SOX5: variants seen among roughly 807,000 people sequenced by gnomAD.
SOX5 encodes the protein SRY-box transcription factor 5, also known as transcription factor SOX-5.
A neutral mutation model predicts 92.0 loss-of-function variants in SOX5; 9 were observed. The observed-to-expected ratio is 0.10, with a 90% CI of 0.06 to 0.17. SOX5 has a LOEUF of 0.17. Ranked by LOEUF, SOX5 falls within the 10% of genes least tolerant of loss-of-function variation. SOX5 has a pLI of 1.00. For missense variants in SOX5, 642 were observed against 944.5 expected (o/e 0.68, Z 4.20); for synonymous variants, 344 against 336.3 (o/e 1.02, Z -0.25).
intron 2 of SOX5, among the ~76,000 whole-genome samples, chr12:23,881,934 A>G (rs1468282546): frequency 6.6e-6 from 1 of 152,260 alleles, no homozygotes; most frequent in East Asian, 1.9e-4. Flanking sequence ...TGAAAAGGAC[A>G]TAAGTGAAGA....
intron 4 of SOX5, among the ~76,000 whole-genome samples, chr12:23,986,734 A>T (rs1052642282): frequency 3.9e-5 from 6 of 152,196 alleles, no homozygotes; most frequent in Non-Finnish European, 1.5e-5. Flanking sequence ...AGATTTTCAA[A>T]GTTCTAAGGA....
intron 4 of SOX5, among the ~76,000 whole-genome samples, chr12:24,019,782 C>T (rs952741178): frequency 6.6e-6 from 1 of 152,172 alleles, no homozygotes; most frequent in African/African-American, 2.4e-5. Flanking sequence ...CAGGGAAAGG[C>T]TTAGTAACTT....
In SOX5 at chr12:23,873,334, A is replaced by T. The variant is rs775572911; in HGVS notation, c.270+22459T>A. 2.6e-5 allele frequency among the ~76,000 whole-genome samples: 4 copies of T among 151,852 alleles called. No homozygotes were observed. In the East Asian group the frequency reaches 5.8e-4, roughly 22 times the overall value. Reference sequence around the variant, plus strand: ...AAAAAAAGCAGAAAATAAACCAGGCATGGTGGTACACACCTGCAGCCCCAG... The same window carrying T: ...AAAAAAAGCAGAAAATAAACCAGGCTTGGTGGTACACACCTGCAGCCCCAG... On this transcript the variant is annotated intron_variant, in intron 2 of 14. Coordinates refer to ENST00000451604, the MANE Select transcript of SOX5 (RefSeq NM_006940.6).
intron 4 of SOX5, among the ~76,000 whole-genome samples, chr12:24,051,405 T>C (rs1223752675): frequency 2.0e-5 from 3 of 152,084 alleles, no homozygotes; most frequent in Non-Finnish European, 2.9e-5. Context: ...AAACGTTATA[T>C]ATCAAGTGCA....
rs540968932 is a variant in SOX5 at position 23,958,397 on chromosome 12, T to C, written c.-1-62373A>G. Among the ~76,000 whole-genome samples the C allele has an allele frequency of 8.5e-5, 13 of 152,188 alleles. No homozygotes were observed. In the East Asian group the frequency reaches 2.3e-3, roughly 27 times the overall value. On this transcript the variant is annotated intron_variant, in intron 4 of 4. Coordinates refer to the SOX5 transcript ENST00000446891. ...GAAATGCAAAAATAAACTTTTTTCATGGAATTATGACCTAGTCCAGTATAT... is the reference window on the plus strand; with the variant it reads ...GAAATGCAAAAATAAACTTTTTTCACGGAATTATGACCTAGTCCAGTATAT...
chr12:24,010,677 G>A (rs1406961625), intron 4 of SOX5, among the ~76,000 whole-genome samples: 2 of 152,192 alleles, frequency 1.3e-5, no homozygotes, highest in Non-Finnish European at 2.9e-5. Flanking sequence ...GCTCATGCCT[G>A]TAATCCCAGC....
chr12:24,191,375 G>T (rs745883064), intron 4 of SOX5, among the ~76,000 whole-genome samples: 1 of 152,112 alleles, frequency 6.6e-6, no homozygotes, highest in South Asian at 2.1e-4. Flanking sequence ...TTTAATCTGC[G>T]TTGAGGATTT....
chr12:24,503,016 C>A (rs995744158), intron 1 of SOX5, among the ~76,000 whole-genome samples: 1 of 152,132 alleles, frequency 6.6e-6, no homozygotes, highest in Non-Finnish European at 1.5e-5. Context: ...AAAGGAGATG[C>A]AACAGCTAAA....
intron 4 of SOX5, among the ~76,000 whole-genome samples, chr12:23,988,584 TAAGC>T (rs1950264998): frequency 6.6e-6 from 1 of 152,130 alleles, no homozygotes; most frequent in Non-Finnish European, 1.5e-5. Context: ...AAACCATAAA[TAAGC>T]AAGCACTAAT....
At chr12:23,778,599 A>G (rs1174551643) in intron 3 of SOX5, among the ~76,000 whole-genome samples, 1 of 152,246 alleles carries the variant, frequency 6.6e-6, no homozygotes, top group Non-Finnish European at 1.5e-5. Flanking sequence ...ATAAGGAAAC[A>G]GCAAGGAATT....
chr12:23,961,553 C>T (rs1050617796), intron 4 of SOX5, among the ~76,000 whole-genome samples: 11 of 152,096 alleles, frequency 7.2e-5, no homozygotes, highest in Admixed American at 6.6e-4. Context: ...ATTTATAAGG[C>T]TAACGTCTAC....
intron 3 of SOX5, among the ~76,000 whole-genome samples, chr12:24,234,888 G>A (rs10743494): frequency 0.33 from 49,735 of 151,802 alleles, 8,563 homozygotes; most frequent in African/African-American, 0.38. Context: ...GGGGGTGCTC[G>A]TAGCATCTAG....
intron 4 of SOX5, among the ~76,000 whole-genome samples, chr12:24,003,355 G>A (rs4280087): frequency 0.41 from 62,676 of 151,542 alleles, 13,470 homozygotes; most frequent in East Asian, 0.69. Flanking sequence ...TTACTGGAAA[G>A]TAAGATGTAA....
At chr12:23,912,554 T>G (rs941395586) in intron 1 of SOX5, among the ~76,000 whole-genome samples, 1 of 152,216 alleles carries the variant, frequency 6.6e-6, no homozygotes, top group African/African-American at 2.4e-5. Context: ...ATAACAGCAT[T>G]ATTCATAATA....
At chr12:24,371,936 C>T (rs1398678664) in intron 1 of SOX5, among the ~76,000 whole-genome samples, 2 of 151,308 alleles carry the variant, frequency 1.3e-5, no homozygotes, top group South Asian at 2.1e-4. Flanking sequence ...TGCAGTGAGC[C>T]GAGATCATGC....
chr12:24,120,904 C>A (rs556385591), intron 4 of SOX5, among the ~76,000 whole-genome samples: 1 of 152,212 alleles, frequency 6.6e-6, no homozygotes, highest in Admixed American at 6.5e-5. Flanking sequence ...GACTGAGTAA[C>A]AATAAACTCA....
At chr12:23,825,365 C>T (rs1370073230) in intron 3 of SOX5, among the ~76,000 whole-genome samples, 1 of 152,258 alleles carries the variant, frequency 6.6e-6, no homozygotes, top group East Asian at 1.9e-4. Context: ...GGTGAGGCAA[C>T]GCCCTACCCT....
intron 2 of SOX5, among the ~76,000 whole-genome samples, chr12:24,324,175 G>A (rs567161374): frequency 6.6e-6 from 1 of 152,036 alleles, no homozygotes; most frequent in African/African-American, 2.4e-5. Flanking sequence ...GTTTTGAGAT[G>A]TAGCAATTAG....
At chr12:24,109,864 C>A (rs952715323) in intron 4 of SOX5, among the ~76,000 whole-genome samples, 2 of 151,930 alleles carry the variant, frequency 1.3e-5, no homozygotes, top group Non-Finnish European at 2.9e-5. Flanking sequence ...TCCTAGTTTC[C>A]AAAAAATAAA....
Sources: gnomAD v4.1 joint callset for allele counts (sites outside exome capture counted in the v4.1 genomes callset) on GRCh38, gnomAD v4.1.1 for gene constraint, MANE v1.5 for transcripts, NCBI Gene and HGNC (gene_info 2026-07-23, HGNC 2026-07-21) for gene names.